Variants in PARD3B observed in about 807,000 individuals in gnomAD.
PARD3B encodes the protein partitioning defective 3 homolog B.
A neutral mutation model predicts 130.2 loss-of-function variants in PARD3B; 103 were observed. The ratio of observed to expected loss-of-function variants is 0.79; its 90% CI spans 0.67 to 0.93. The LOEUF (loss-of-function observed/expected upper bound fraction) is 0.93, where lower values mean the gene tolerates loss of function less well. Among genes scored for constraint, PARD3B ranks in the 40% least tolerant of loss-of-function variants. PARD3B has a pLI of 0.00. For synonymous variants in PARD3B, 583 were observed against 553.2 expected (o/e 1.05, Z -0.76); for missense variants, 1,609 against 1,499.2 (o/e 1.07, Z -1.21).
intron 3 of PARD3B, among the ~76,000 whole-genome samples, chr2:205,044,757 G>A (rs570996690): frequency 9.4e-4 from 143 of 152,186 alleles, no homozygotes; most frequent in South Asian, 5.2e-3. Context: ...TAGGTTGCCT[G>A]TTCACTCTGA....
intron 2 of PARD3B, among the ~76,000 whole-genome samples, chr2:204,754,208 C>T (rs1165588278): frequency 6.6e-6 from 1 of 152,196 alleles, no homozygotes; most frequent in Non-Finnish European, 1.5e-5. Flanking sequence ...TCAGCAAATA[C>T]TTCACAGGTG....
chr2:205,047,023 T>G (rs1698831660), intron 3 of PARD3B, among the ~76,000 whole-genome samples: 1 of 152,256 alleles, frequency 6.6e-6, no homozygotes, highest in South Asian at 2.1e-4. Context: ...TTATTTTCTT[T>G]ATCAGTTCTA....
At chr2:205,322,490 GC>G (rs1446860803) in intron 18 of PARD3B, among the ~76,000 whole-genome samples, 3 of 152,158 alleles carry the variant, frequency 2.0e-5, no homozygotes, top group African/African-American at 7.2e-5. Flanking sequence ...ATTCACGCCA[GC>G]TCTTACAAAA....
chr2:205,041,701 T>G (rs2125397495), intron 3 of PARD3B, among the ~76,000 whole-genome samples: 1 of 152,142 alleles, frequency 6.6e-6, no homozygotes, highest in Admixed American at 6.5e-5. Context: ...GGCCTTCTGG[T>G]TATGCTCAGG....
At chr2:205,033,312 T>C (rs1697557971) in intron 3 of PARD3B, among the ~76,000 whole-genome samples, 2 of 152,218 alleles carry the variant, frequency 1.3e-5, no homozygotes, top group Non-Finnish European at 2.9e-5. Flanking sequence ...AGTCAAGGTA[T>C]TTCATATATT....
Position 204,633,371 on chromosome 2 carries a change from T to A in PARD3B, c.121-52810T>A, listed in dbSNP as rs79366227. Among the ~76,000 whole-genome samples, 22 of 152,312 alleles carry A rather than the reference T, an allele frequency of 1.4e-4. No homozygotes were observed. In the East Asian group the frequency reaches 4.2e-3, roughly 29 times the overall value. On this transcript the variant is annotated intron_variant, in intron 1 of 22. Coordinates refer to ENST00000406610, the MANE Select transcript of PARD3B (RefSeq NM_001302769.2). ...TTTGAAGCAAACCTCAGATGTCACA[T>A]TTCATTCATAAATATTTCTGTATGT... is the stretch of plus-strand genomic sequence containing the variant.
At chr2:204,883,345 CT>C (rs1185707389) in intron 2 of PARD3B, among the ~76,000 whole-genome samples, 1 of 141,602 alleles carries the variant, frequency 7.1e-6, no homozygotes, top group East Asian at 2.1e-4. Flanking sequence ...GTTATGTGTT[CT>C]GTATTCAGAT....
At chr2:205,102,844 C>T (rs954381861) in intron 4 of PARD3B, among the ~76,000 whole-genome samples, 3 of 152,040 alleles carry the variant, frequency 2.0e-5, no homozygotes, top group African/African-American at 7.2e-5. Context: ...ACGACCAGAT[C>T]ATGAGGTCAG....
chr2:205,540,038 C>A lies in PARD3B; in HGVS notation c.3181-13286C>A, dbSNP rs144383613. On this transcript the variant is annotated intron_variant, in intron 21 of 22. Transcript: ENST00000406610. Reference sequence around the variant, plus strand: ...TTGCAGGGAAGTCTGGGAGAGGGTTCCTAGAAACCCAACTAACCACGGACT... The same window carrying A: ...TTGCAGGGAAGTCTGGGAGAGGGTTACTAGAAACCCAACTAACCACGGACT... Among the ~76,000 whole-genome samples, 238 of 152,268 alleles carry A rather than the reference C, an allele frequency of 1.6e-3. 1 individual carries two copies. The highest frequency in any genetic ancestry group is 7.1e-3 in the Admixed American group (109 of 15,286).
At chr2:205,329,954 A>G (rs1174953294) in intron 18 of PARD3B, among the ~76,000 whole-genome samples, 1 of 149,306 alleles carries the variant, frequency 6.7e-6, no homozygotes, top group Non-Finnish European at 1.5e-5. Context: ...AGATCGCCCC[A>G]TTGCACTCTA....
chr2:205,340,538 T>C (rs575183842), intron 18 of PARD3B, among the ~76,000 whole-genome samples: 2 of 152,260 alleles, frequency 1.3e-5, no homozygotes, highest in South Asian at 4.1e-4. Context: ...GAAAACTTGA[T>C]ATCTGTGTGC....
chr2:204,989,214 G>C (rs562979482), intron 3 of PARD3B, among the ~76,000 whole-genome samples: 2 of 152,200 alleles, frequency 1.3e-5, no homozygotes, highest in Non-Finnish European at 2.9e-5. Context: ...GGATTGACCA[G>C]GCAAGTGGAA....
intron 10 of PARD3B, among the ~76,000 whole-genome samples, chr2:205,150,779 C>T (rs762396082): frequency 7.9e-5 from 12 of 152,030 alleles, no homozygotes; most frequent in Non-Finnish European, 1.2e-4. Context: ...CACAAGGATA[C>T]AGTATAGTAT....
intron 2 of PARD3B, among the ~76,000 whole-genome samples, chr2:204,833,643 G>A (rs921878307): frequency 1.3e-5 from 2 of 151,946 alleles, no homozygotes; most frequent in East Asian, 1.9e-4. Context: ...TTTTATAAAG[G>A]GGAGTTTCCC....
At chr2:205,441,034 G>A (rs1374069827) in intron 20 of PARD3B, among the ~76,000 whole-genome samples, 1 of 152,184 alleles carries the variant, frequency 6.6e-6, no homozygotes, top group Admixed American at 6.5e-5. Context: ...GCACATGGAG[G>A]TGGAGAGTCA....
At chr2:205,427,790 A>T (rs1042272180) in intron 19 of PARD3B, among the ~76,000 whole-genome samples, 2 of 152,220 alleles carry the variant, frequency 1.3e-5, no homozygotes, top group Non-Finnish European at 2.9e-5. Context: ...TGTGAAACAA[A>T]TTGGTTGCAT....
intron 21 of PARD3B, among the ~76,000 whole-genome samples, chr2:205,533,665 AAAAT>A (rs2051702664): frequency 6.6e-6 from 1 of 152,210 alleles, no homozygotes; most frequent in African/African-American, 2.4e-5. Context: ...CAAATTTATA[AAAAT>A]AAATACTAAA....
At chr2:205,154,101 G>A (rs561943390) in intron 10 of PARD3B, among the ~76,000 whole-genome samples, 6 of 152,250 alleles carry the variant, frequency 3.9e-5, no homozygotes, top group African/African-American at 1.4e-4. Context: ...CCATCAGAGT[G>A]AACAGGCAAC....
intron 3 of PARD3B, among the ~76,000 whole-genome samples, chr2:205,000,738 T>G (rs1264701014): frequency 1.3e-5 from 2 of 152,142 alleles, no homozygotes; most frequent in African/African-American, 2.4e-5. Context: ...TGGGAGCAAT[T>G]TTTTTTAGAG....
Sources: allele counts gnomAD v4.1 joint callset (sites outside exome capture counted in the v4.1 genomes callset), GRCh38; gene constraint gnomAD v4.1.1; transcripts MANE v1.5; gene names NCBI Gene and HGNC (gene_info 2026-07-23, HGNC 2026-07-21).